The following DIP2C variants were observed in gnomAD, a reference collection of about 807,000 sequenced individuals.
The protein encoded by DIP2C is disco-interacting protein 2 homolog C.
In DIP2C, 33 loss-of-function variants were observed where a neutral mutation model predicts 192.4. The ratio of observed to expected loss-of-function variants is 0.17; its 90% CI spans 0.13 to 0.23. The LOEUF is 0.23. Ranked by LOEUF, DIP2C falls within the 10% of genes least tolerant of loss-of-function variation. The pLI, the probability that DIP2C is intolerant of heterozygous loss-of-function variation, is 1.00. For missense variants in DIP2C, 1,537 were observed against 2,110.1 expected (o/e 0.73, Z 5.32); for synonymous variants, 979 against 864.1 (o/e 1.13, Z -2.33).
intron 20 of DIP2C, among the ~76,000 whole-genome samples, chr10:364,098 T>A (rs1959882561): frequency 6.6e-6 from 1 of 152,222 alleles, no homozygotes; most frequent in Non-Finnish European, 1.5e-5. Context: ...TGCAGTTATT[T>A]ATCAGAAATA....
intron 31 of DIP2C, among the ~76,000 whole-genome samples, chr10:325,786 A>G (rs1957244715): frequency 6.6e-6 from 1 of 152,136 alleles, no homozygotes; most frequent in African/African-American, 2.4e-5. Context: ...GGTTTAACTG[A>G]CTCTTGAGAG....
rs1954939481 is a variant in DIP2C at position 283,342 on chromosome 10, G to C, written c.4224C>G (p.Thr1408=). The change falls in exon 35 of 37, where the codon ACC becomes ACG. Residue 1408 remains threonine, a synonymous_variant. Transcript: ENST00000280886. ...HFNSRLSFGD[T]QTIWARTGYL... ...AGCCTGTGCGTGCCCAGATGGTCTG[G>C]GTGTCTCCAAAACTTAGTCTTGAGT... is the stretch of plus-strand genomic sequence containing the variant. 6.2e-7 allele frequency: 1 copy of C among 1,614,114 alleles called. No homozygotes were observed. Among genetic ancestry groups the C allele is most frequent in the Non-Finnish European group, 8.5e-7 (1 of 1,180,000 alleles).
At chr10:278,355 T>C (rs545049300) in intron 36 of DIP2C, among the ~76,000 whole-genome samples, 1 of 152,368 alleles carries the variant, frequency 6.6e-6, no homozygotes, top group South Asian at 2.1e-4. Context: ...GCATGGAACC[T>C]GGTCAGCCTG....
At chr10:482,140 G>A (rs1411372627) in intron 2 of DIP2C, among the ~76,000 whole-genome samples, 1 of 152,226 alleles carries the variant, frequency 6.6e-6, no homozygotes, top group Non-Finnish European at 1.5e-5. Context: ...ACACGGCCAA[G>A]TGCACGGCCT....
intron 10 of DIP2C, among the ~76,000 whole-genome samples, chr10:393,863 T>G (rs1311388992): frequency 1.5e-5 from 2 of 134,530 alleles, no homozygotes; most frequent in Admixed American, 7.4e-5. Flanking sequence ...AGACATCACC[T>G]CACATTTCTT....
intron 1 of DIP2C, among the ~76,000 whole-genome samples, chr10:590,761 T>C (rs1232402117): frequency 4.6e-5 from 7 of 152,222 alleles, no homozygotes; most frequent in Non-Finnish European, 1.0e-4. Flanking sequence ...CCAGAAACGC[T>C]ATTGAAACTC....
rs931638976 is a variant in DIP2C at position 399,319 on chromosome 10, G to A, written c.1150-100C>T. 18 of 825,364 alleles carry A rather than the reference G, an allele frequency of 2.2e-5. No homozygotes were observed. The African/African-American group carries it at 2.7e-4, about 12-fold the overall frequency. The allele number at this position is 825,364 out of a possible 1,614,324, so 51.1% of individuals were successfully genotyped here. A position where few individuals can be genotyped will look rare whatever the true frequency, so the allele number is the denominator to read the frequency against. On this transcript the variant is annotated intron_variant, in intron 9 of 36. Transcript: ENST00000280886. ...TCTAGGTGAGAGGGCACGCTTCAGTGAGAACCAGATCCTATGTAAAATGCA... is the reference window on the plus strand; with the variant it reads ...TCTAGGTGAGAGGGCACGCTTCAGTAAGAACCAGATCCTATGTAAAATGCA...
At chr10:278,271 ATGGGTGCC>A (rs887160272) in intron 36 of DIP2C, among the ~76,000 whole-genome samples, 8 of 152,184 alleles carry the variant, frequency 5.3e-5, no homozygotes, top group Admixed American at 3.3e-4. Context: ...GGCCAAGGGC[ATGGGTGCC>A]TGCTCCTCTG....
chr10:515,491 A>G (rs1198533959), intron 1 of DIP2C, among the ~76,000 whole-genome samples: 1 of 152,216 alleles, frequency 6.6e-6, no homozygotes, highest in African/African-American at 2.4e-5. Context: ...GGGAGGCCAA[A>G]GTGGGCCAAT....
chr10:619,528 A>AGG (rs1853711139), intron 1 of DIP2C, among the ~76,000 whole-genome samples: 1 of 129,714 alleles, frequency 7.7e-6, no homozygotes, highest in African/African-American at 3.3e-5. Context: ...GCCAGGACCA[A>AGG]GCCCGCCCGC....
intron 29 of DIP2C, among the ~76,000 whole-genome samples, chr10:335,572 G>T (rs1177521277): frequency 4.6e-5 from 7 of 152,356 alleles, no homozygotes; most frequent in African/African-American, 9.6e-5. Flanking sequence ...GCTTTGGGAA[G>T]ATTCTAGGCA....
At chr10:339,459 T>C (rs899527568) in intron 29 of DIP2C, among the ~76,000 whole-genome samples, 1 of 150,898 alleles carries the variant, frequency 6.6e-6, no homozygotes, top group African/African-American at 2.5e-5. Context: ...TTATTGTGGG[T>C]TCACACGGAG....
intron 1 of DIP2C, among the ~76,000 whole-genome samples, chr10:605,515 CTG>C (rs1428824985): frequency 6.6e-6 from 1 of 152,236 alleles, no homozygotes; most frequent in African/African-American, 2.4e-5. Flanking sequence ...TCACACAAGA[CTG>C]TGCTGGAGAA....
intron 1 of DIP2C, among the ~76,000 whole-genome samples, chr10:547,189 T>G (rs771152202): frequency 9.2e-5 from 14 of 152,168 alleles, no homozygotes; most frequent in Admixed American, 2.0e-4. Flanking sequence ...TGAAGTTTGC[T>G]CTCACCCACA....
intron 11 of DIP2C, among the ~76,000 whole-genome samples, 162 bp from the exon 12 acceptor site, chr10:390,535 G>A (rs1737762571): frequency 6.6e-6 from 1 of 151,116 alleles, no homozygotes; most frequent in African/African-American, 2.4e-5. Context: ...GAGCACCCAA[G>A]CCGCCACCAT....
intron 31 of DIP2C, chr10:324,989 G>A (rs751409673): frequency 2.1e-5 from 11 of 529,808 alleles, no homozygotes; most frequent in African/African-American, 1.2e-4. Context: ...TTTGGGGCTG[G>A]GCGTGGTGGC....
chr10:325,146 TCC>T (rs1957217562), intron 31 of DIP2C: 1 of 332,696 alleles, frequency 3.0e-6, no homozygotes, highest in Non-Finnish European at 5.9e-6. Context: ...GCACCTGTAG[TCC>T]CAGATGCTGG....
chr10:457,027 T>C (rs992868795), intron 3 of DIP2C, among the ~76,000 whole-genome samples: 1 of 152,214 alleles, frequency 6.6e-6, no homozygotes, highest in Admixed American at 6.5e-5. Context: ...ATTCCTAGAT[T>C]TTCCATCTCT....
Position 562,497 on chromosome 10 carries a change from C to G in DIP2C, c.86-75967G>C, listed in dbSNP as rs1219637194. Among the ~76,000 whole-genome samples, 3 of 152,218 alleles carry G rather than the reference C, an allele frequency of 2.0e-5. No individual in the cohort carries two copies. The East Asian group carries it at 5.8e-4, about 29-fold the overall frequency. On this transcript the variant is annotated intron_variant, in intron 1 of 36. Coordinates refer to ENST00000280886, the MANE Select transcript of DIP2C (RefSeq NM_014974.3). ...TTGTACCTGATACATTACAGAATCTCTACGAAATAGACGAAATTCCAATTC... is the reference window on the plus strand; with the variant it reads ...TTGTACCTGATACATTACAGAATCTGTACGAAATAGACGAAATTCCAATTC...
Sources: gnomAD v4.1 joint callset for allele counts (sites outside exome capture counted in the v4.1 genomes callset) on GRCh38, gnomAD v4.1.1 for gene constraint, MANE v1.5 for transcripts, NCBI Gene and HGNC (gene_info 2026-07-23, HGNC 2026-07-21) for gene names.